Variants in EXOC6B observed in about 807,000 individuals in gnomAD.
EXOC6B encodes SEC15 homolog B.
A neutral mutation model predicts 113.5 loss-of-function variants in EXOC6B; 54 were observed. The ratio of observed to expected loss-of-function variants is 0.48; its 90% CI spans 0.38 to 0.60. EXOC6B has a LOEUF of 0.60. Ranked by LOEUF, EXOC6B falls within the 20% of genes least tolerant of loss-of-function variation. EXOC6B has a pLI of 0.00. For missense variants in EXOC6B, 797 were observed against 977.5 expected (o/e 0.82, Z 2.46); for synonymous variants, 357 against 339.0 (o/e 1.05, Z -0.58).
chr2:72,422,900 CA>C (rs1236504809), intron 18 of EXOC6B, among the ~76,000 whole-genome samples: 1 of 139,852 alleles, frequency 7.2e-6, no homozygotes, highest in Admixed American at 6.7e-5. Context: ...CAAAACAGGC[CA>C]CTGGGCTCTA....
At chr2:72,252,269 T>G (rs1326341780) in intron 20 of EXOC6B, among the ~76,000 whole-genome samples, 3 of 149,566 alleles carry the variant, frequency 2.0e-5, no homozygotes, top group African/African-American at 7.7e-5. Context: ...CTGCCACTAT[T>G]GCCTATGTAA....
At chr2:72,727,473 G>A (rs1429946264) in intron 5 of EXOC6B, among the ~76,000 whole-genome samples, 1 of 152,130 alleles carries the variant, frequency 6.6e-6, no homozygotes, top group Non-Finnish European at 1.5e-5. Context: ...ACAACTAAAA[G>A]CAACATGTGA....
rs1368338574 is a variant in EXOC6B, at chr2:72,369,445, T to C, written c.2122+10284A>G. On this transcript the variant is annotated intron_variant, in intron 19 of 21. Coordinates refer to ENST00000272427, the MANE Select transcript of EXOC6B (RefSeq NM_015189.3). ...AAAATGGCCATACTGCCCAAGGTAA[T>C]TTATAGATTCAATGCCATCCCCATC... 5.3e-5 allele frequency among the ~76,000 whole-genome samples: 8 copies of C among 152,098 alleles called. No individual in the cohort carries two copies. The East Asian group carries it at 1.2e-3, about 22-fold the overall frequency.
At chr2:72,291,683 T>A (rs1040979892) in intron 20 of EXOC6B, among the ~76,000 whole-genome samples, 19 of 152,118 alleles carry the variant, frequency 1.2e-4, no homozygotes, top group African/African-American at 4.6e-4. Context: ...ACTGATCAAA[T>A]AAAGTAGAAG....
intron 18 of EXOC6B, among the ~76,000 whole-genome samples, chr2:72,449,758 T>C (rs1457508319): frequency 5.9e-5 from 9 of 152,280 alleles, no homozygotes; most frequent in South Asian, 4.1e-4. Flanking sequence ...GCAAACTATA[T>C]ACCAAGTAAT....
chr2:72,505,054 CT>C (rs1464068543), intron 11 of EXOC6B, among the ~76,000 whole-genome samples: 1 of 152,066 alleles, frequency 6.6e-6, no homozygotes, highest in Non-Finnish European at 1.5e-5. Flanking sequence ...TATTTTCCTA[CT>C]CTTTTGTGAG....
intron 7 of EXOC6B, among the ~76,000 whole-genome samples, chr2:72,565,349 T>TAAAA (rs10672375): frequency 0.028 from 1,272 of 45,084 alleles, 156 homozygotes; most frequent in African/African-American, 0.11. Context: ...AGACCCTGTC[T>TAAAA]AAAAAAAAAA....
intron 19 of EXOC6B, among the ~76,000 whole-genome samples, chr2:72,353,611 T>G (rs966187420): frequency 6.6e-6 from 1 of 151,964 alleles, no homozygotes; most frequent in Non-Finnish European, 1.5e-5. Flanking sequence ...TGACCTCAAG[T>G]GATCCGACCG....
At chr2:72,459,961 T>C (rs1017021984) in intron 18 of EXOC6B, among the ~76,000 whole-genome samples, 5 of 151,972 alleles carry the variant, frequency 3.3e-5, no homozygotes, top group Admixed American at 6.6e-5. Context: ...AACCATACTA[T>C]AAGGCTACAG....
chr2:72,458,110 C>A (rs189677937), intron 18 of EXOC6B, among the ~76,000 whole-genome samples: 33 of 152,212 alleles, frequency 2.2e-4, no homozygotes, highest in Non-Finnish European at 3.2e-4. Context: ...CTTTCCAGTC[C>A]TCTCTATATA....
intron 18 of EXOC6B, among the ~76,000 whole-genome samples, chr2:72,446,687 G>C (rs1462027429): frequency 6.6e-6 from 1 of 152,090 alleles, no homozygotes. Context: ...CTTAATACCT[G>C]GGTGATGAAA....
chr2:72,360,232 CATGTGCCACT>C (rs1690226619), intron 19 of EXOC6B, among the ~76,000 whole-genome samples: 1 of 152,052 alleles, frequency 6.6e-6, no homozygotes, highest in South Asian at 2.1e-4. Context: ...GGACCACAAG[CATGTGCCACT>C]ATGCCCAGCC....
At chr2:72,225,492 G>A (rs2104446021) in intron 20 of EXOC6B, among the ~76,000 whole-genome samples, 1 of 152,238 alleles carries the variant, frequency 6.6e-6, no homozygotes, top group East Asian at 1.9e-4. Context: ...TATTCCTTTA[G>A]TGGCCCTAGA....
At chr2:72,713,769 A>G (rs1375801153) in intron 6 of EXOC6B, among the ~76,000 whole-genome samples, 1 of 152,208 alleles carries the variant, frequency 6.6e-6, no homozygotes, top group African/African-American at 2.4e-5. Context: ...GGGAAAAATG[A>G]TGAAAAGATA....
rs1699026993 is a variant in EXOC6B, at chr2:72,480,660, C to A, written c.1756G>T (p.Glu586Ter). The part of the protein sequence containing the change: ...FITNITNVLP[E>*]TVHTTKLYGT... ...TAGAGCTTGGTAGTGTGAACTGTCT[C>A]TGGAAGCACATTAGTGATGTTGGTG... Residue 586 changes from glutamate to a stop codon, truncating the protein, a stop_gained, in exon 17 of 22, where the codon GAG becomes TAG. Transcript: ENST00000272427. LOFTEE classifies it high-confidence loss of function. The A allele has an allele frequency of 6.3e-7, 1 of 1,589,674 alleles. No homozygotes were observed. Among genetic ancestry groups the A allele is most frequent in the East Asian group, 2.3e-5 (1 of 44,302 alleles).
At chr2:72,803,524 AAGTC>A (rs1685414632) in intron 1 of EXOC6B, among the ~76,000 whole-genome samples, 1 of 152,192 alleles carries the variant, frequency 6.6e-6, no homozygotes, top group Non-Finnish European at 1.5e-5. Context: ...TCAAAAATGA[AAGTC>A]CAAAACACTT....
rs1360474410 is a variant in EXOC6B at position 72,676,140 on chromosome 2, AAG to A, written c.669+41961_669+41962del. Among the ~76,000 whole-genome samples, 469 of 150,596 alleles carry A rather than the reference AAG, an allele frequency of 3.1e-3. 2 individuals are homozygous for A. Among genetic ancestry groups the A allele is most frequent in the African/African-American group, 0.011 (445 of 40,428 alleles). On this transcript the variant is annotated intron_variant, in intron 6 of 21. Transcript: ENST00000272427. Reference sequence around the variant, plus strand: ...TCATTCTAGTTTAAAAAAAAAAAAAAAGAAGAAGAAGAAGAAGGTTTTCAACT... The same window carrying A: ...TCATTCTAGTTTAAAAAAAAAAAAAAAAGAAGAAGAAGAAGGTTTTCAACT...
chr2:72,756,705 G>GT (rs1334047977), intron 1 of EXOC6B, among the ~76,000 whole-genome samples: 1 of 152,098 alleles, frequency 6.6e-6, no homozygotes, highest in Non-Finnish European at 1.5e-5. Flanking sequence ...TAGCAGAATA[G>GT]TTATTATCAT....
intron 7 of EXOC6B, among the ~76,000 whole-genome samples, chr2:72,559,820 T>C (rs1703788677): frequency 6.6e-6 from 1 of 152,180 alleles, no homozygotes; most frequent in South Asian, 2.1e-4. Context: ...TCTTTGACCA[T>C]GGGACTCTAA....
Sources: gnomAD v4.1 joint callset for allele counts (sites outside exome capture counted in the v4.1 genomes callset) on GRCh38, gnomAD v4.1.1 for gene constraint, MANE v1.5 for transcripts, NCBI Gene and HGNC (gene_info 2026-07-23, HGNC 2026-07-21) for gene names.